The following HDAC9 variants were observed in gnomAD, a reference collection of about 807,000 sequenced individuals.
The protein encoded by HDAC9 is histone deacetylase 9.
A neutral mutation model predicts 139.4 loss-of-function variants in HDAC9; 41 were observed. The ratio of observed to expected loss-of-function variants is 0.29; its 90% CI spans 0.23 to 0.38. HDAC9 has a LOEUF of 0.38. HDAC9 is among the 10% of genes least tolerant of loss of function. The probability of loss-of-function intolerance (pLI) is 1.00; values close to 1 mark genes in which losing one functional copy is unlikely to be tolerated. For synonymous variants in HDAC9, 517 were observed against 476.2 expected, an observed-to-expected ratio of 1.09 and a Z score of -1.12; for missense variants, 1,147 against 1,297.0, an observed-to-expected ratio of 0.88 and a Z score of 1.78.
chr7:18,859,482 G>C (rs1797927331), intron 21 of HDAC9, among the ~76,000 whole-genome samples: 1 of 151,050 alleles, frequency 6.6e-6, no homozygotes, highest in Non-Finnish European at 1.5e-5. Context: ...ATGCCTCAGG[G>C]AACAAGTAAA....
chr7:18,172,522 A>G (rs1306558575), intron 2 of HDAC9, among the ~76,000 whole-genome samples: 2 of 152,022 alleles, frequency 1.3e-5, no homozygotes, highest in Admixed American at 6.6e-5. Flanking sequence ...TTGCTTCTCT[A>G]GTTCGTTTAA....
chr7:18,569,631 T>A (rs866332498), intron 2 of HDAC9, among the ~76,000 whole-genome samples: 2 of 152,244 alleles, frequency 1.3e-5, no homozygotes, highest in African/African-American at 4.8e-5. Flanking sequence ...ATAGAAATTC[T>A]AATGACAGTC....
At chr7:18,167,684 A>G (rs1187134569) in intron 2 of HDAC9, among the ~76,000 whole-genome samples, 1 of 152,166 alleles carries the variant, frequency 6.6e-6, no homozygotes, top group African/African-American at 2.4e-5. Flanking sequence ...GAAGAGGTGC[A>G]TTGAGTGTGA....
rs186949207 is a variant in HDAC9 at position 18,993,958 on chromosome 7, C to T, written c.3171-2065C>T. Among the ~76,000 whole-genome samples the T allele has an allele frequency of 5.2e-4, 79 of 152,240 alleles. 1 individual carries two copies. The highest frequency in any genetic ancestry group is 3.4e-3 in the Middle Eastern group (1 of 294). On this transcript the variant is annotated intron_variant, in intron 25 of 25. Transcript: ENST00000686413. ...TCAAAGAGAGGAAAAGGCAGAGAAG[C>T]ATCTGATGGAAAGCTTTCTATTGTA...
At chr7:18,101,364 G>A (rs764491653) in intron 1 of HDAC9, among the ~76,000 whole-genome samples, 11 of 152,188 alleles carry the variant, frequency 7.2e-5, no homozygotes, top group Non-Finnish European at 1.2e-4. Flanking sequence ...GGTTCACCTC[G>A]TGTGTTTTCT....
chr7:18,331,448 G>A (rs1319826097), intron 1 of HDAC9, among the ~76,000 whole-genome samples: 1 of 151,646 alleles, frequency 6.6e-6, no homozygotes, highest in Non-Finnish European at 1.5e-5. Context: ...AGACAAAAAT[G>A]TAGCTGAGGA....
intron 12 of HDAC9, among the ~76,000 whole-genome samples, chr7:18,684,463 C>G (rs1398422286): frequency 1.3e-5 from 2 of 150,200 alleles, no homozygotes; most frequent in African/African-American, 4.9e-5. Context: ...TGCAACAACT[C>G]ACAAACAAAC....
At chr7:18,408,964 T>C (rs1788273257) in intron 1 of HDAC9, among the ~76,000 whole-genome samples, 2 of 152,204 alleles carry the variant, frequency 1.3e-5, no homozygotes, top group Non-Finnish European at 2.9e-5. Context: ...TTTTTGGAGA[T>C]AATCAAATCC....
intron 20 of HDAC9, 63 bp downstream of exon 20, chr7:18,835,649 A>G (rs1186201540): frequency 6.3e-7 from 1 of 1,591,548 alleles, no homozygotes; most frequent in East Asian, 2.2e-5. Context: ...GCATTGCATG[A>G]TTACCCCTAA....
intron 12 of HDAC9, among the ~76,000 whole-genome samples, chr7:18,720,479 A>T (rs1354831691): frequency 6.6e-6 from 1 of 151,708 alleles, no homozygotes; most frequent in Non-Finnish European, 1.5e-5. Flanking sequence ...AAATGATAAT[A>T]TGTTGAAATT....
chr7:18,172,539 T>A (rs1242379461), intron 2 of HDAC9, among the ~76,000 whole-genome samples: 2 of 152,278 alleles, frequency 1.3e-5, no homozygotes. Flanking sequence ...TTAACTGTGA[T>A]GTTACGGTGT....
At chr7:18,532,231 C>A (rs576792856) in intron 2 of HDAC9, among the ~76,000 whole-genome samples, 19 of 152,214 alleles carry the variant, frequency 1.2e-4, no homozygotes, top group Admixed American at 7.2e-4. Context: ...GCCTGTGAGA[C>A]GCCATCTCAG....
At chr7:18,156,960 C>T (rs768188222) in intron 1 of HDAC9, among the ~76,000 whole-genome samples, 10 of 152,142 alleles carry the variant, frequency 6.6e-5, no homozygotes, top group East Asian at 3.9e-4. Flanking sequence ...TGGTGGCACA[C>T]GCCTGTAGTC....
chr7:18,876,861 C>G (rs1359715271), intron 22 of HDAC9, among the ~76,000 whole-genome samples: 3 of 151,920 alleles, frequency 2.0e-5, no homozygotes, highest in Non-Finnish European at 4.4e-5. Flanking sequence ...TGCCACCATG[C>G]CTGGCTCATT....
At chr7:18,961,545 A>G (rs1238779000) in intron 24 of HDAC9, among the ~76,000 whole-genome samples, 1 of 152,210 alleles carries the variant, frequency 6.6e-6, no homozygotes, top group Non-Finnish European at 1.5e-5. Flanking sequence ...AGAAGGCAGT[A>G]TCCTCCGGAA....
At chr7:18,104,224 G>A (rs112689264) in intron 1 of HDAC9, among the ~76,000 whole-genome samples, 117 of 149,632 alleles carry the variant, frequency 7.8e-4, no homozygotes, top group African/African-American at 2.7e-3. Context: ...AGAACCTGCT[G>A]TACATTGTTC....
intron 23 of HDAC9, 43 bp downstream of exon 23, chr7:18,935,985 G>A: frequency 1.3e-6 from 2 of 1,574,432 alleles, no homozygotes; most frequent in Non-Finnish European, 1.7e-6. Flanking sequence ...AAAGAATCAG[G>A]GATGTATGCA....
chr7:18,388,066 A>G (rs1037339858), intron 1 of HDAC9, among the ~76,000 whole-genome samples: 1 of 152,212 alleles, frequency 6.6e-6, no homozygotes, highest in African/African-American at 2.4e-5. Context: ...TAAATTATAC[A>G]TAGGATCTAT....
At chr7:18,218,727 A>G (rs1192688754) in intron 2 of HDAC9, among the ~76,000 whole-genome samples, 4 of 152,154 alleles carry the variant, frequency 2.6e-5, no homozygotes, top group African/African-American at 9.7e-5. Context: ...ATATTATGAA[A>G]TAGTGTTCTA....
Sources: gnomAD v4.1 joint callset for allele counts (sites outside exome capture counted in the v4.1 genomes callset) on GRCh38, gnomAD v4.1.1 for gene constraint, MANE v1.5 for transcripts, NCBI Gene and HGNC (gene_info 2026-07-23, HGNC 2026-07-21) for gene names.